BMAL2: variants seen among roughly 807,000 people sequenced by gnomAD.
BMAL2 encodes basic helix-loop-helix ARNT-like protein 2.
At chr12:27,413,448 T>C in the BMAL2 span, among the ~76,000 whole-genome samples, 1 of 152,212 alleles carries the variant, frequency 6.6e-6, no homozygotes, top group Non-Finnish European at 1.5e-5. Flanking sequence ...GCTTAAAATG[T>C]CCTGTTATAA....
the BMAL2 span, chr12:27,390,541 A>C: frequency 3.7e-6 from 1 of 269,804 alleles, no homozygotes; most frequent in Non-Finnish European, 7.0e-6. Context: ...TTTTGCTGTG[A>C]AACTTCATTA....
chr12:27,395,244 G>A, the BMAL2 span, among the ~76,000 whole-genome samples: 1 of 152,154 alleles, frequency 6.6e-6, no homozygotes, highest in Non-Finnish European at 1.5e-5. Flanking sequence ...GCAATAGCAG[G>A]ACTCCACCTT....
chr12:27,374,467 A>G, the BMAL2 span, among the ~76,000 whole-genome samples: 1 of 152,212 alleles, frequency 6.6e-6, no homozygotes, highest in African/African-American at 2.4e-5. Flanking sequence ...TTGAACATCC[A>G]CAGGTTTTGG....
the BMAL2 span, among the ~76,000 whole-genome samples, chr12:27,337,117 A>T: frequency 6.6e-6 from 1 of 152,180 alleles, no homozygotes; most frequent in African/African-American, 2.4e-5. Flanking sequence ...TCTAGTCTTT[A>T]ATCTTATGGT....
At chr12:27,424,525 T>C in the BMAL2 span, 1 of 152,364 alleles carries the variant, frequency 6.6e-6, no homozygotes, top group Non-Finnish European at 1.5e-5. Flanking sequence ...TTATTTACAG[T>C]GTCACGACAG....
the BMAL2 span, chr12:27,389,369 GTT>G: frequency 9.7e-7 from 1 of 1,025,812 alleles, no homozygotes; most frequent in Non-Finnish European, 1.5e-6. Flanking sequence ...GCTACACAGT[GTT>G]TTTAAAACAG....
the BMAL2 span, among the ~76,000 whole-genome samples, chr12:27,336,609 A>G: frequency 6.6e-6 from 1 of 152,188 alleles, no homozygotes; most frequent in Non-Finnish European, 1.5e-5. Context: ...ATTGTATCAC[A>G]CTAGGCTATA....
chr12:27,407,453 T>C, the BMAL2 span, among the ~76,000 whole-genome samples: 1 of 151,802 alleles, frequency 6.6e-6, no homozygotes, highest in Non-Finnish European at 1.5e-5. Flanking sequence ...TCAAAACCAC[T>C]CAACTACATG....
the BMAL2 span, among the ~76,000 whole-genome samples, chr12:27,339,648 G>A: frequency 0.41 from 61,093 of 148,826 alleles, 12,835 homozygotes; most frequent in Admixed American, 0.5. Flanking sequence ...TTTTTGAGAC[G>A]GAGTCTCGCT....
chr12:27,423,519 CG>C, the BMAL2 span: 1 of 151,880 alleles, frequency 6.6e-6, no homozygotes, highest in Non-Finnish European at 1.5e-5. Context: ...TCAGTAGAGA[CG>C]GGGTTTCACC....
At chr12:27,390,355 C>A in the BMAL2 span, 3 of 1,196,758 alleles carry the variant, frequency 2.5e-6, no homozygotes, top group South Asian at 1.5e-5. Flanking sequence ...AATTCAAAAG[C>A]ATCTTAAAAA....
At chr12:27,360,177 C>CATGAGGGAAT in the BMAL2 span, among the ~76,000 whole-genome samples, 1 of 151,590 alleles carries the variant, frequency 6.6e-6, no homozygotes, top group African/African-American at 2.4e-5. Context: ...TAAATTTAGT[C>CATGAGGGAAT]ATGAGGGAAT....
the BMAL2 span, among the ~76,000 whole-genome samples, chr12:27,372,252 G>A: frequency 6.7e-6 from 1 of 148,194 alleles, no homozygotes; most frequent in East Asian, 2.0e-4. Context: ...AAAAAAGGTG[G>A]AATTATATGA....
At chr12:27,347,360 C>T in the BMAL2 span, among the ~76,000 whole-genome samples, 4 of 152,104 alleles carry the variant, frequency 2.6e-5, no homozygotes, top group Non-Finnish European at 5.9e-5. Flanking sequence ...TTGCCCATAC[C>T]ACCAGAGGCA....
the BMAL2 span, among the ~76,000 whole-genome samples, chr12:27,366,639 TA>T: frequency 0.029 from 4,488 of 152,348 alleles, 89 homozygotes; most frequent in South Asian, 0.09. Flanking sequence ...AAGGATTTTT[TA>T]AAATCACACT....
the BMAL2 span, among the ~76,000 whole-genome samples, chr12:27,367,115 A>G: frequency 6.6e-6 from 1 of 152,240 alleles, no homozygotes; most frequent in Non-Finnish European, 1.5e-5. Context: ...ATAATAAGGT[A>G]GAACAATTAT....
At chr12:27,346,364 G>A in the BMAL2 span, among the ~76,000 whole-genome samples, 9 of 152,120 alleles carry the variant, frequency 5.9e-5, no homozygotes, top group African/African-American at 1.7e-4. Flanking sequence ...AGGTTCAAGC[G>A]ATTCTCCTGT....
At chr12:27,397,046 TTTTGTTTGTTTG>T in the BMAL2 span, among the ~76,000 whole-genome samples, 23 of 151,816 alleles carry the variant, frequency 1.5e-4, no homozygotes, top group Non-Finnish European at 2.2e-4. Context: ...TTCACTGTGG[TTTTGTTTGTTTG>T]TTTGTTTGTT....
chr12:27,378,788 G>A, the BMAL2 span, among the ~76,000 whole-genome samples: 1 of 152,258 alleles, frequency 6.6e-6, no homozygotes, highest in South Asian at 2.1e-4. Flanking sequence ...AAGGTTTTGG[G>A]GTAATGCAAT....
Sources: allele counts gnomAD v4.1 joint callset (sites outside exome capture counted in the v4.1 genomes callset), GRCh38; gene constraint gnomAD v4.1.1; transcripts MANE v1.5; gene names NCBI Gene and HGNC (gene_info 2026-07-23, HGNC 2026-07-21).